PTPRZ1: variants seen among roughly 807,000 people sequenced by gnomAD.
PTPRZ1 encodes receptor-type tyrosine-protein phosphatase zeta.
A neutral mutation model predicts 214.1 loss-of-function variants in PTPRZ1; 82 were observed. The ratio of observed to expected loss-of-function variants is 0.38; its 90% CI spans 0.32 to 0.46. The LOEUF (loss-of-function observed/expected upper bound fraction) is 0.46, where lower values mean the gene tolerates loss of function less well. Ranked by LOEUF, PTPRZ1 falls within the 20% of genes least tolerant of loss-of-function variation. PTPRZ1 has a pLI of 1.00. For synonymous variants in PTPRZ1, 945 were observed against 987.9 expected (o/e 0.96, Z 0.81); for missense variants, 2,603 against 2,748.7 (o/e 0.95, Z 1.19).
rs144572538 is a variant in PTPRZ1 at position 121,914,174 on chromosome 7, A to G, written c.59-13982A>G. Among the ~76,000 whole-genome samples, 21 of 152,262 alleles carry G rather than the reference A, an allele frequency of 1.4e-4. No individual in the cohort carries two copies. The East Asian group carries it at 3.5e-3, about 25-fold the overall frequency. ...AAATAAATATGTAAAAGAAAGAAAC[A>G]GAAACCAGACATTTCTGTTTTTAGC... On this transcript the variant is annotated intron_variant, in intron 1 of 29. Transcript: ENST00000393386.
chr7:122,001,915 A>G (rs940990383), intron 10 of PTPRZ1, among the ~76,000 whole-genome samples: 4 of 152,174 alleles, frequency 2.6e-5, no homozygotes, highest in African/African-American at 9.7e-5. Context: ...ATGAAGGGAG[A>G]TGATTCTATA....
intron 6 of PTPRZ1, among the ~76,000 whole-genome samples, chr7:121,982,859 C>T (rs910099509): frequency 2.0e-5 from 3 of 151,974 alleles, no homozygotes; most frequent in Non-Finnish European, 1.5e-5. Context: ...CTGCAACCTC[C>T]GCCTCCCAGG....
chr7:122,018,497 A>G, intron 12 of PTPRZ1, among the ~76,000 whole-genome samples: 2 of 151,710 alleles, frequency 1.3e-5, no homozygotes, highest in Non-Finnish European at 2.9e-5. Context: ...TATTCCTCCA[A>G]TTCACCTGAA....
intron 27 of PTPRZ1, among the ~76,000 whole-genome samples, chr7:122,057,317 A>T (rs764596523): frequency 2.6e-5 from 4 of 151,882 alleles, no homozygotes; most frequent in Non-Finnish European, 5.9e-5. Context: ...GTTGGTTTTA[A>T]TTTGCATTTC....
intron 1 of PTPRZ1, among the ~76,000 whole-genome samples, chr7:121,900,216 T>C (rs1474763897): frequency 6.6e-6 from 1 of 152,042 alleles, no homozygotes; most frequent in East Asian, 1.9e-4. Flanking sequence ...AACTAGATGC[T>C]GAAGACACAA....
chr7:122,011,955 C>G lies in PTPRZ1; in HGVS notation c.2909C>G (p.Pro970Arg). ...GSLFSGPSHI[P>R]IPKSSLITPT... ...TTATTTAGCGGCCCTAGCCATATAC[C>G]AATACCTAAGTCTTCGTTAATAACC... The change falls in exon 12 of 30, where the codon CCA becomes CGA. Residue 970 changes from proline (P) to arginine (R), a missense_variant. Pro to Arg is a moderately radical substitution (Grantham distance 103). This residue lies in a region of PTPRZ1 where 1,913 missense variants were observed against 1,914.3 expected (regional missense o/e 1.00). Coordinates refer to ENST00000393386, the MANE Select transcript of PTPRZ1 (RefSeq NM_002851.3). 6.2e-7 allele frequency: 1 copy of G among 1,614,132 alleles called. No individual in the cohort carries two copies. The highest frequency in any genetic ancestry group is 1.6e-4 in the Middle Eastern group (1 of 6,062).
At chr7:122,003,240 A>T (rs1032498085) in intron 10 of PTPRZ1, among the ~76,000 whole-genome samples, 1 of 152,182 alleles carries the variant, frequency 6.6e-6, no homozygotes, top group Non-Finnish European at 1.5e-5. Context: ...AAAGTCCTTC[A>T]TGGTTAGTTT....
intron 1 of PTPRZ1, among the ~76,000 whole-genome samples, chr7:121,890,676 T>G (rs1794566687): frequency 6.6e-6 from 1 of 151,936 alleles, no homozygotes; most frequent in Non-Finnish European, 1.5e-5. Flanking sequence ...AAAAATTACT[T>G]TATTATTATT....
At chr7:121,918,246 T>C (rs1795484479) in intron 1 of PTPRZ1, among the ~76,000 whole-genome samples, 1 of 152,176 alleles carries the variant, frequency 6.6e-6, no homozygotes, top group Non-Finnish European at 1.5e-5. Context: ...GCTTAATGGA[T>C]AGACAGTGAC....
chr7:122,057,645 C>CTTTTTTTTTTTTTGTTT (rs1792400156), intron 27 of PTPRZ1, among the ~76,000 whole-genome samples: 2 of 128,172 alleles, frequency 1.6e-5, no homozygotes, highest in East Asian at 2.2e-4. Flanking sequence ...CTTTGTGATT[C>CTTTTTTTTTTTTTGTTT]TTTTTTTTTT....
chr7:121,951,495 A>G (rs1293134741), intron 2 of PTPRZ1, among the ~76,000 whole-genome samples: 1 of 152,256 alleles, frequency 6.6e-6, no homozygotes, highest in African/African-American at 2.4e-5. Context: ...TAGGCATTGC[A>G]TTCACTAAAC....
chr7:121,972,473 G>A, intron 3 of PTPRZ1, 68 bp from the exon 4 acceptor site: 4 of 1,408,960 alleles, frequency 2.8e-6, no homozygotes, highest in South Asian at 2.9e-5. Context: ...TTAAGTAGAT[G>A]GAAATTTAGT....
At chr7:121,885,153 A>T (rs1335083191) in intron 1 of PTPRZ1, among the ~76,000 whole-genome samples, 2 of 152,214 alleles carry the variant, frequency 1.3e-5, no homozygotes, top group Non-Finnish European at 2.9e-5. Flanking sequence ...GTAGGAAAAG[A>T]TATAAGCAAA....
chr7:121,944,384 CT>C (rs1484722891), intron 2 of PTPRZ1, among the ~76,000 whole-genome samples: 5 of 151,840 alleles, frequency 3.3e-5, no homozygotes, highest in Non-Finnish European at 7.4e-5. Flanking sequence ...TAGTAGAGTC[CT>C]TTTAAATTGT....
intron 23 of PTPRZ1, among the ~76,000 whole-genome samples, chr7:122,045,937 G>T (rs1028565205): frequency 6.6e-6 from 1 of 151,950 alleles, no homozygotes; most frequent in Non-Finnish European, 1.5e-5. Context: ...CCCATAAAAA[G>T]ATATCTATTC....
At chr7:121,915,973 T>TTAAGACCTGTG (rs1234877805) in intron 1 of PTPRZ1, among the ~76,000 whole-genome samples, 4 of 152,266 alleles carry the variant, frequency 2.6e-5, no homozygotes, top group African/African-American at 9.6e-5. Flanking sequence ...ACCTGTGGTC[T>TTAAGACCTGTG]GTTTTAAGAT....
At chr7:122,017,533 C>T (rs1042556312) in intron 12 of PTPRZ1, among the ~76,000 whole-genome samples, 2 of 109,080 alleles carry the variant, frequency 1.8e-5, no homozygotes, top group African/African-American at 8.2e-5. Flanking sequence ...TCCTGTGATA[C>T]ATTACATTTA....
chr7:121,921,129 AT>A (rs2116344077), intron 1 of PTPRZ1, among the ~76,000 whole-genome samples: 1 of 151,578 alleles, frequency 6.6e-6, no homozygotes, highest in East Asian at 1.9e-4. Context: ...AAAGATCAAA[AT>A]TATTAATATG....
chr7:121,976,728 T>A, intron 5 of PTPRZ1, 57 bp from the exon 6 acceptor site: 1 of 1,324,178 alleles, frequency 7.6e-7, no homozygotes, highest in South Asian at 1.5e-5. Flanking sequence ...CACATTTTTA[T>A]TGAATAGTTA....
Sources: gnomAD v4.1 joint callset for allele counts (sites outside exome capture counted in the v4.1 genomes callset) on GRCh38, gnomAD v4.1.1 for gene constraint, gnomAD v4.1.1 regional missense constraint, MANE v1.5 for transcripts, NCBI Gene and HGNC (gene_info 2026-07-23, HGNC 2026-07-21) for gene names.